Variants in AGBL4 observed in about 807,000 individuals in gnomAD.
The protein encoded by AGBL4 is AGBL carboxypeptidase 4.
Under a neutral mutation model 66.4 loss-of-function variants are expected in AGBL4, and 58 were observed. The ratio of observed to expected loss-of-function variants is 0.87; its 90% confidence interval spans 0.71 to 1.09. The LOEUF is 1.09. AGBL4 is among the 50% of genes least tolerant of loss of function. The pLI, the probability that AGBL4 is intolerant of heterozygous loss-of-function variation, is 0.00. For synonymous variants in AGBL4, 234 were observed against 222.9 expected (o/e 1.05, Z -0.44); for missense variants, 579 against 631.0 (o/e 0.92, Z 0.88).
chr1:49,787,801 A>G lies in AGBL4; in HGVS notation c.157+63595T>C, dbSNP rs141382758. The stretch of plus-strand genomic sequence containing the variant: ...ACACAGGACACACCTAATTCCTCCA[A>G]CAATGAACTGTGACAACACATGAGA... On this transcript the variant is annotated intron_variant, in intron 2 of 13. Transcript: ENST00000371839. Among the ~76,000 whole-genome samples, 1,048 of 152,258 alleles carry G rather than the reference A, an allele frequency of 6.9e-3. 17 individuals are homozygous for G. The highest frequency in any genetic ancestry group is 0.024 in the African/African-American group (1,015 of 41,548).
chr1:48,570,817 C>T (rs1033821703), intron 11 of AGBL4, among the ~76,000 whole-genome samples: 12 of 152,144 alleles, frequency 7.9e-5, no homozygotes, highest in Non-Finnish European at 1.5e-4. Flanking sequence ...TCCAGTCTGC[C>T]TTAGTGCGTA....
rs1180586750 is a variant in AGBL4, at chr1:48,590,959, G to A, written c.978C>T (p.Asp326=). ...TCATCATGGTGGAGTGGGCATGGAT[G>A]TCAATATAAAACTCCAGGCTTGTTT... ...DPKTSLEFYI[D]IHAHSTMMNG... Residue 326 remains aspartate (D), a synonymous_variant, in exon 10 of 14, where the codon GAC becomes GAT. Transcript: ENST00000371839. 3.1e-6 allele frequency: 5 copies of A among 1,610,490 alleles called. No homozygotes were observed.
At chr1:48,655,988 A>G (rs1320105602) in intron 7 of AGBL4, among the ~76,000 whole-genome samples, 3 of 152,214 alleles carry the variant, frequency 2.0e-5, no homozygotes, top group South Asian at 2.1e-4. Context: ...AAGTGAGGAG[A>G]ATAATCTCCC....
intron 3 of AGBL4, among the ~76,000 whole-genome samples, chr1:49,525,689 G>A (rs1465974990): frequency 3.3e-5 from 5 of 151,976 alleles, no homozygotes; most frequent in African/African-American, 7.2e-5. Flanking sequence ...GAGGCCAGAC[G>A]GGAGTTCAGG....
At chr1:49,971,231 T>C (rs925822904) in intron 1 of AGBL4, among the ~76,000 whole-genome samples, 4 of 152,190 alleles carry the variant, frequency 2.6e-5, no homozygotes, top group South Asian at 2.1e-4. Context: ...CACAATGATA[T>C]CTTGCGCAGT....
At chr1:48,804,640 A>G (rs1159386670) in intron 6 of AGBL4, among the ~76,000 whole-genome samples, 2 of 152,136 alleles carry the variant, frequency 1.3e-5, no homozygotes, top group South Asian at 2.1e-4. Flanking sequence ...GGGAGATATC[A>G]TGGTGGGCTA....
intron 3 of AGBL4, among the ~76,000 whole-genome samples, chr1:49,420,780 G>GT (rs1182529194): frequency 6.6e-6 from 1 of 151,966 alleles, no homozygotes; most frequent in Admixed American, 6.5e-5. Context: ...AAGAATAACT[G>GT]TATCATTCAC....
intron 3 of AGBL4, among the ~76,000 whole-genome samples, chr1:49,590,395 GAA>G (rs935115371): frequency 4.2e-5 from 6 of 143,564 alleles, no homozygotes; most frequent in South Asian, 4.4e-4. Context: ...TGTACAGAAG[GAA>G]AAAAAAAAAG....
chr1:49,940,047 G>A (rs1236697160), intron 1 of AGBL4, among the ~76,000 whole-genome samples: 1 of 152,150 alleles, frequency 6.6e-6, no homozygotes, highest in Non-Finnish European at 1.5e-5. Context: ...TGAAGGACAT[G>A]AACAGACACT....
intron 4 of AGBL4, among the ~76,000 whole-genome samples, chr1:49,244,552 A>C (rs1651483865): frequency 6.6e-6 from 1 of 151,842 alleles, no homozygotes; most frequent in Non-Finnish European, 1.5e-5. Context: ...ATTGCCAAGT[A>C]TCATTTGGAG....
intron 3 of AGBL4, among the ~76,000 whole-genome samples, chr1:49,456,405 A>G (rs1391221803): frequency 6.6e-6 from 1 of 151,738 alleles, no homozygotes; most frequent in African/African-American, 2.4e-5. Flanking sequence ...CTAGAGGTTC[A>G]AGAGGCTCTT....
chr1:48,840,326 T>A (rs1298509383), intron 6 of AGBL4, among the ~76,000 whole-genome samples: 1 of 152,144 alleles, frequency 6.6e-6, no homozygotes, highest in East Asian at 1.9e-4. Flanking sequence ...GCATACAGTA[T>A]ACAATGCGTA....
chr1:49,047,688 T>C (rs1158895146), intron 4 of AGBL4, among the ~76,000 whole-genome samples: 3 of 152,138 alleles, frequency 2.0e-5, no homozygotes. Context: ...GGGGTAGTAA[T>C]GTCCTCCAAG....
chr1:49,619,557 T>C (rs1199205692), intron 3 of AGBL4, among the ~76,000 whole-genome samples: 2 of 152,106 alleles, frequency 1.3e-5, no homozygotes, highest in Admixed American at 6.6e-5. Flanking sequence ...AAGTAATTTA[T>C]AGATTCAATG....
At chr1:49,895,574 G>C (rs968284070) in intron 1 of AGBL4, among the ~76,000 whole-genome samples, 6 of 151,970 alleles carry the variant, frequency 3.9e-5, no homozygotes, top group Non-Finnish European at 8.8e-5. Context: ...AAAGTAGGGA[G>C]ATAAAGTTGA....
intron 8 of AGBL4, among the ~76,000 whole-genome samples, chr1:48,642,272 C>T (rs1247924763): frequency 6.6e-6 from 1 of 152,168 alleles, no homozygotes; most frequent in Non-Finnish European, 1.5e-5. Context: ...ATAATGGTGG[C>T]CTTTTCGGCA....
At chr1:49,477,105 G>A (rs576189027) in intron 3 of AGBL4, among the ~76,000 whole-genome samples, 46 of 152,152 alleles carry the variant, frequency 3.0e-4, no homozygotes, top group South Asian at 1.9e-3. Context: ...CCTGGTCCTC[G>A]AACAGCACCT....
At chr1:49,493,530 A>G (rs1365604437) in intron 3 of AGBL4, among the ~76,000 whole-genome samples, 1 of 152,024 alleles carries the variant, frequency 6.6e-6, no homozygotes, top group African/African-American at 2.4e-5. Flanking sequence ...AGGAGTAGTG[A>G]GAAAGCTTTT....
At chr1:48,849,654 G>T (rs1042681223) in intron 6 of AGBL4, among the ~76,000 whole-genome samples, 3 of 152,070 alleles carry the variant, frequency 2.0e-5, no homozygotes, top group Non-Finnish European at 2.9e-5. Flanking sequence ...CCCTTTTCTT[G>T]TTCACTCACT....
Sources: gnomAD v4.1 joint callset for allele counts (sites outside exome capture counted in the v4.1 genomes callset) on GRCh38, gnomAD v4.1.1 for gene constraint, MANE v1.5 for transcripts, NCBI Gene and HGNC (gene_info 2026-07-23, HGNC 2026-07-21) for gene names.